ARL8B: variants seen among roughly 807,000 people sequenced by gnomAD.
The protein encoded by ARL8B is ADP-ribosylation factor-like protein 8B.
In ARL8B, 9 loss-of-function variants were observed where a neutral mutation model predicts 30.6. The ratio of observed to expected loss-of-function variants is 0.29; its 90% CI spans 0.18 to 0.51. The LOEUF (loss-of-function observed/expected upper bound fraction) is 0.51. Ranked by LOEUF, ARL8B falls within the 20% of genes least tolerant of loss-of-function variation. The pLI, the probability that ARL8B is intolerant of heterozygous loss-of-function variation, is 0.97. For synonymous variants in ARL8B, 74 were observed against 76.0 expected, an observed-to-expected ratio of 0.97 and a Z score of 0.14; for missense variants, 130 against 227.2, an observed-to-expected ratio of 0.57 and a Z score of 2.75.
intron 1 of ARL8B, among the ~76,000 whole-genome samples, chr3:5,158,450 T>C (rs1419040586): frequency 1.3e-5 from 2 of 152,234 alleles, no homozygotes; most frequent in African/African-American, 4.8e-5. Flanking sequence ...TGTATGTGTT[T>C]TAATTCATTT....
intron 1 of ARL8B, among the ~76,000 whole-genome samples, chr3:5,162,541 T>C (rs914595834): frequency 2.8e-4 from 43 of 152,208 alleles, no homozygotes; most frequent in Non-Finnish European, 5.9e-5. Context: ...GTTTTTTGTT[T>C]ATCTGGGATG....
At chr3:5,144,223 G>T (rs1286298790) in intron 1 of ARL8B, among the ~76,000 whole-genome samples, 1 of 152,152 alleles carries the variant, frequency 6.6e-6, no homozygotes, top group Non-Finnish European at 1.5e-5. Context: ...GTGGCTGTTG[G>T]GAGTGGAAAG....
At chr3:5,151,726 C>CT (rs1208207804) in intron 1 of ARL8B, among the ~76,000 whole-genome samples, 3 of 126,380 alleles carry the variant, frequency 2.4e-5, no homozygotes, top group African/African-American at 9.3e-5. Flanking sequence ...CCCCCACCCC[C>CT]CCCCTTGGAG....
chr3:5,141,512 C>T (rs985768317), intron 1 of ARL8B, among the ~76,000 whole-genome samples: 7 of 152,132 alleles, frequency 4.6e-5, no homozygotes, highest in African/African-American at 1.7e-4. Flanking sequence ...ATACTACATC[C>T]CACTGCTAAG....
chr3:5,127,058 A>G (rs1240879908), intron 1 of ARL8B, among the ~76,000 whole-genome samples: 1 of 152,196 alleles, frequency 6.6e-6, no homozygotes, highest in African/African-American at 2.4e-5. Flanking sequence ...TACTGCTGAG[A>G]ATTAGGAAAA....
intron 1 of ARL8B, among the ~76,000 whole-genome samples, chr3:5,123,999 G>A (rs2054206413): frequency 6.6e-6 from 1 of 152,004 alleles, no homozygotes; most frequent in Admixed American, 6.6e-5. Flanking sequence ...TCCACCTCCT[G>A]CGTAGCTGGG....
At chr3:5,163,055 T>G (rs2054595542) in intron 1 of ARL8B, among the ~76,000 whole-genome samples, 1 of 150,180 alleles carries the variant, frequency 6.7e-6, no homozygotes, top group Non-Finnish European at 1.5e-5. Flanking sequence ...TGGCGTGATT[T>G]CAGCTCACTG....
chr3:5,132,107 T>C (rs532317568), intron 1 of ARL8B, among the ~76,000 whole-genome samples: 1 of 152,290 alleles, frequency 6.6e-6, no homozygotes, highest in East Asian at 1.9e-4. Context: ...CAGGCTGATC[T>C]TGAACTACTG....
At chr3:5,141,383 G>C (rs1313867383) in intron 1 of ARL8B, among the ~76,000 whole-genome samples, 1 of 152,166 alleles carries the variant, frequency 6.6e-6, no homozygotes, top group Non-Finnish European at 1.5e-5. Context: ...CTTCCTTATA[G>C]GAGAGTGAGT....
chr3:5,174,387 A>G lies in ARL8B; in HGVS notation c.484A>G (p.Ile162Val), dbSNP rs142243427. The G allele has an allele frequency of 2.1e-3, 3,424 of 1,607,748 alleles. 9 individuals carry two copies. Among genetic ancestry groups the G allele is most frequent in the Non-Finnish European group, 2.0e-3 (2,350 of 1,174,594 alleles). ...GGATAGAGAAATTTGCTGCTATTCA[A>G]TTTCTTGCAAAGAAAAGGATAATAT... is the stretch of plus-strand genomic sequence containing the variant. ...IQDREICCYSISCKEKDNIDI... is the reference protein window; with the variant it reads ...IQDREICCYSVSCKEKDNIDI... The change falls in exon 6 of 7, where the codon ATT becomes GTT. Residue 162 changes from isoleucine (I) to valine (V), a missense_variant. Transcript: ENST00000256496.
In ARL8B at chr3:5,170,678, G is replaced by A. The variant is rs188616466; in HGVS notation, c.204+95G>A. On this transcript the variant is annotated intron_variant, in intron 2 of 6. Transcript: ENST00000256496. The stretch of plus-strand genomic sequence containing the variant: ...TCTGTGTTTTTACTGAAAATTTGCA[G>A]TTTTTCAGTAATGAATGTGCATGTT... The A allele has an allele frequency of 1.3e-4, 110 of 844,240 alleles. 1 individual carries two copies. In the East Asian group the frequency reaches 3.2e-3, roughly 24 times the overall value. The allele number at this position is 844,240 out of a possible 1,614,324, so 52.3% of individuals were successfully genotyped here. A position where few individuals can be genotyped will look rare whatever the true frequency, so the allele number is the denominator to read the frequency against.
chr3:5,157,515 T>C (rs968823729), intron 1 of ARL8B, among the ~76,000 whole-genome samples: 2 of 152,024 alleles, frequency 1.3e-5, no homozygotes, highest in Non-Finnish European at 2.9e-5. Context: ...GCAACACAGG[T>C]TCTTTCTCCA....
chr3:5,170,394 G>A (rs1020466541), intron 1 of ARL8B, 109 bp from the exon 2 acceptor site: 1 of 618,204 alleles, frequency 1.6e-6, no homozygotes, highest in Non-Finnish European at 2.7e-6. Flanking sequence ...TGTTACCAAT[G>A]GTAAAAAAAT....
At chr3:5,152,863 T>C (rs1005666525) in intron 1 of ARL8B, among the ~76,000 whole-genome samples, 1 of 152,246 alleles carries the variant, frequency 6.6e-6, no homozygotes, top group African/African-American at 2.4e-5. Flanking sequence ...TGTCTTTTCA[T>C]TGATGTGTTT....
At chr3:5,131,134 A>G (rs1394883959) in intron 1 of ARL8B, among the ~76,000 whole-genome samples, 1 of 152,024 alleles carries the variant, frequency 6.6e-6, no homozygotes, top group Non-Finnish European at 1.5e-5. Flanking sequence ...GCTGGTGTCA[A>G]ACTCCTGTGA....
chr3:5,155,633 A>G (rs56215613), intron 1 of ARL8B, among the ~76,000 whole-genome samples: 60,585 of 148,328 alleles, frequency 0.41, 13,899 homozygotes, highest in African/African-American at 0.64. Flanking sequence ...AATTAATTCC[A>G]TTTGTCCTAT....
chr3:5,123,453 T>G (rs1403804065), intron 1 of ARL8B, among the ~76,000 whole-genome samples: 1 of 152,226 alleles, frequency 6.6e-6, no homozygotes, highest in African/African-American at 2.4e-5. Flanking sequence ...GGTGATTGTT[T>G]CGTTTTGCTT....
rs373711898 is a variant in ARL8B at position 5,134,088 on chromosome 3, T to C, written c.123+11500T>C. ...GAGAATTAACATTTCATCCAATTCC[T>C]AATTTTGTCTTCAGGAGTATAAGAG... On this transcript the variant is annotated intron_variant, in intron 1 of 6. Coordinates refer to ENST00000256496, the MANE Select transcript of ARL8B (RefSeq NM_018184.3). 2.2e-5 allele frequency among the ~76,000 whole-genome samples: 3 copies of C among 139,422 alleles called. No individual in the cohort carries two copies. In the East Asian group the frequency reaches 6.1e-4, roughly 28 times the overall value. 91.5% of individuals were successfully genotyped at this position (139,422 alleles called of 152,430 possible).
At chr3:5,170,676 C>T (rs1009487192) in intron 2 of ARL8B, 93 bp downstream of exon 2, 6 of 845,732 alleles carry the variant, frequency 7.1e-6, no homozygotes, top group South Asian at 1.7e-5. Context: ...TGAAAATTTG[C>T]AGTTTTTCAG....
Sources: gnomAD v4.1 joint callset for allele counts (sites outside exome capture counted in the v4.1 genomes callset) on GRCh38, gnomAD v4.1.1 for gene constraint, MANE v1.5 for transcripts, NCBI Gene and HGNC (gene_info 2026-07-23, HGNC 2026-07-21) for gene names.